Variants in PDE4D observed in about 807,000 individuals in gnomAD.
The protein encoded by PDE4D is 3',5'-cyclic-AMP phosphodiesterase 4D.
In PDE4D, 24 loss-of-function variants were observed where a neutral mutation model predicts 87.4. The observed-to-expected ratio is 0.27, with a 90% CI of 0.20 to 0.39. The LOEUF (loss-of-function observed/expected upper bound fraction) is 0.39, where lower values mean the gene tolerates loss of function less well. PDE4D is among the 10% of genes least tolerant of loss of function. The pLI is 1.00. For synonymous variants in PDE4D, 384 were observed against 383.2 expected, an observed-to-expected ratio of 1.00 and a Z score of -0.02; for missense variants, 714 against 1,041.0, an observed-to-expected ratio of 0.69 and a Z score of 4.32.
At chr5:60,343,287 C>A (rs572599948) in intron 1 of PDE4D, among the ~76,000 whole-genome samples, 1 of 152,258 alleles carries the variant, frequency 6.6e-6, no homozygotes, top group Admixed American at 6.5e-5. Context: ...AGGTGGAACA[C>A]CCCTGCCTCA....
chr5:59,424,692 A>G (rs781270865), intron 1 of PDE4D, among the ~76,000 whole-genome samples: 13 of 152,270 alleles, frequency 8.5e-5, no homozygotes, highest in South Asian at 6.2e-4. Flanking sequence ...ATTACCTGCT[A>G]CTAGGGTCCC....
chr5:59,937,289 C>T (rs780025955), intron 3 of PDE4D, among the ~76,000 whole-genome samples: 5 of 152,056 alleles, frequency 3.3e-5, no homozygotes, highest in Admixed American at 1.3e-4. Context: ...ATAATATATA[C>T]GCTAACATAT....
chr5:60,141,487 G>C (rs186906413), intron 2 of PDE4D, among the ~76,000 whole-genome samples: 64 of 152,290 alleles, frequency 4.2e-4, no homozygotes, highest in African/African-American at 1.4e-3. Flanking sequence ...GCTCTTGAAG[G>C]ATTATAGACT....
chr5:60,307,836 T>C (rs1232694512), intron 1 of PDE4D, among the ~76,000 whole-genome samples: 1 of 152,122 alleles, frequency 6.6e-6, no homozygotes, highest in African/African-American at 2.4e-5. Context: ...CAGCCTATAG[T>C]TTGCAACCAG....
chr5:59,035,362 A>G (rs1758316960), intron 6 of PDE4D, among the ~76,000 whole-genome samples: 1 of 152,252 alleles, frequency 6.6e-6, no homozygotes, highest in Non-Finnish European at 1.5e-5. Flanking sequence ...ATTATACCAC[A>G]AAAACTGTAA....
chr5:59,234,704 T>C (rs1755987659), intron 1 of PDE4D, among the ~76,000 whole-genome samples: 1 of 152,198 alleles, frequency 6.6e-6, no homozygotes, highest in Admixed American at 6.5e-5. Flanking sequence ...GTAAAATAAC[T>C]TCTACTCTTT....
rs1338731940 is a variant in PDE4D, at chr5:59,053,645, GTTT to G, written c.809-14677_809-14675del. 7.9e-4 allele frequency among the ~76,000 whole-genome samples: 54 copies of G among 68,760 alleles called. 1 individual carries two copies. The highest frequency in any genetic ancestry group is 2.0e-3 in the African/African-American group (38 of 19,350). The allele number at this position is 68,760 out of a possible 152,430, so 45.1% of individuals were successfully genotyped here. Reference sequence around the variant, plus strand: ...TATGAATTAAGTTGTTTTGTTTTTTGTTTTTTTTTGTTGTTGTTTTTTTTTTTT... The same window carrying G: ...TATGAATTAAGTTGTTTTGTTTTTTGTTTTTTGTTGTTGTTTTTTTTTTTT... On this transcript the variant is annotated intron_variant, in intron 5 of 14. Coordinates refer to ENST00000340635, the MANE Select transcript of PDE4D (RefSeq NM_001104631.2).
intron 1 of PDE4D, among the ~76,000 whole-genome samples, chr5:60,467,415 A>G (rs761384880): frequency 1.1e-4 from 16 of 152,178 alleles, no homozygotes; most frequent in Non-Finnish European, 2.1e-4. Context: ...TTGGAGCCCC[A>G]GAAATGTGCT....
In PDE4D at chr5:59,582,345, T is replaced by C. The variant is rs75247262; in HGVS notation, c.455+310823A>G. Among the ~76,000 whole-genome samples the C allele has an allele frequency of 5.8e-3, 884 of 152,302 alleles. 12 individuals carry two copies. Among genetic ancestry groups the C allele is most frequent in the African/African-American group, 0.021 (854 of 41,568 alleles). On this transcript the variant is annotated intron_variant, in intron 1 of 14. Transcript: ENST00000340635. ...AATGTATTGGTCAGAACACATACTC[T>C]GGAAAATGCACTTCTGGATTGAGTT... is the stretch of plus-strand genomic sequence containing the variant.
chr5:59,707,235 A>G (rs1753552966), intron 1 of PDE4D, among the ~76,000 whole-genome samples: 1 of 152,108 alleles, frequency 6.6e-6, no homozygotes, highest in South Asian at 2.1e-4. Context: ...GAGATAGCAA[A>G]TGGAAAAACA....
intron 2 of PDE4D, among the ~76,000 whole-genome samples, chr5:59,200,142 T>TACATGCATGTAGACATACATGTATGA (rs1268529710): frequency 2.4e-5 from 1 of 41,888 alleles, no homozygotes; most frequent in African/African-American, 5.6e-5. Flanking sequence ...TACATGTATG[T>TACATGCATGTAGACATACATGTATGA]ACACGTATAT....
chr5:59,530,621 T>C (rs1254263928), intron 1 of PDE4D, among the ~76,000 whole-genome samples: 1 of 151,704 alleles, frequency 6.6e-6, no homozygotes, highest in Non-Finnish European at 1.5e-5. Flanking sequence ...AAAAAAAAAA[T>C]TGGATTGAAT....
At chr5:60,297,684 T>C (rs1753530470) in intron 1 of PDE4D, among the ~76,000 whole-genome samples, 2 of 152,224 alleles carry the variant, frequency 1.3e-5, no homozygotes, top group Admixed American at 1.3e-4. Context: ...GCTGGTATTA[T>C]CCTATAACCA....
intron 2 of PDE4D, among the ~76,000 whole-genome samples, chr5:60,176,966 T>A (rs1366567190): frequency 1.3e-5 from 2 of 152,146 alleles, no homozygotes; most frequent in Non-Finnish European, 2.9e-5. Flanking sequence ...TGTGGGAAGA[T>A]AAGCAAAGCA....
intron 1 of PDE4D, among the ~76,000 whole-genome samples, chr5:60,443,532 G>A (rs1745405228): frequency 6.6e-6 from 1 of 152,144 alleles, no homozygotes; most frequent in Admixed American, 6.6e-5. Flanking sequence ...TGATGTAGAA[G>A]AATTTGAGGA....
intron 1 of PDE4D, among the ~76,000 whole-genome samples, chr5:60,410,025 T>G (rs554061344): frequency 5.3e-5 from 8 of 152,300 alleles, no homozygotes; most frequent in African/African-American, 1.4e-4. Flanking sequence ...GGCTGCCCCA[T>G]ACCAAGGACA....
At chr5:59,466,407 A>G (rs921602510) in intron 1 of PDE4D, among the ~76,000 whole-genome samples, 5 of 152,266 alleles carry the variant, frequency 3.3e-5, no homozygotes, top group African/African-American at 7.2e-5. Flanking sequence ...CACAAGCCCA[A>G]ATTGTTTTCT....
At chr5:60,027,448 C>A (rs1766760635) in intron 2 of PDE4D, among the ~76,000 whole-genome samples, 1 of 152,140 alleles carries the variant, frequency 6.6e-6, no homozygotes, top group South Asian at 2.1e-4. Context: ...TATATATTTA[C>A]CACATGGTGT....
At chr5:59,125,260 A>G (rs1358463752) in intron 5 of PDE4D, 3 of 984,412 alleles carry the variant, frequency 3.0e-6, no homozygotes, top group Non-Finnish European at 2.4e-6. Context: ...TATGAAGTAC[A>G]GCCAGACCTT....
Sources: allele counts gnomAD v4.1 joint callset (sites outside exome capture counted in the v4.1 genomes callset), GRCh38; gene constraint gnomAD v4.1.1; transcripts MANE v1.5; gene names NCBI Gene and HGNC (gene_info 2026-07-23, HGNC 2026-07-21).